SASS6: variants seen among roughly 807,000 people sequenced by gnomAD.
SASS6 encodes spindle assembly abnormal protein 6 homolog.
Under a neutral mutation model 94.9 loss-of-function variants are expected in SASS6, and 59 were observed. The ratio of observed to expected loss-of-function variants is 0.62; its 90% CI spans 0.50 to 0.77. The LOEUF is 0.77. SASS6 is among the 30% of genes least tolerant of loss of function. The pLI is 0.00. For synonymous variants in SASS6, 264 were observed against 270.0 expected, an observed-to-expected ratio of 0.98 and a Z score of 0.22; for missense variants, 698 against 734.1, an observed-to-expected ratio of 0.95 and a Z score of 0.57.
At chr1:100,100,413 A>C (rs1652391428) in intron 14 of SASS6, among the ~76,000 whole-genome samples, 3 of 152,224 alleles carry the variant, frequency 2.0e-5, no homozygotes, top group Admixed American at 2.0e-4. Context: ...CCTGCAACTA[A>C]AACTATGCCT....
chr1:100,113,406 AGACCATCCTGG>A (rs1488532796), intron 7 of SASS6, among the ~76,000 whole-genome samples: 1 of 152,062 alleles, frequency 6.6e-6, no homozygotes, highest in Non-Finnish European at 1.5e-5. Flanking sequence ...CAGGAGATCG[AGACCATCCTGG>A]CTAACACGGT....
intron 3 of SASS6, 126 bp downstream of exon 3, chr1:100,123,075 GATAGTACAA>G: frequency 2.0e-6 from 1 of 493,092 alleles, no homozygotes; most frequent in Admixed American, 4.2e-5. Flanking sequence ...CCTAAGTAAA[GATAGTACAA>G]ATAGCCCAAT....
chr1:100,102,451 C>T (rs1325505790), intron 14 of SASS6, among the ~76,000 whole-genome samples: 6 of 152,010 alleles, frequency 3.9e-5, no homozygotes, highest in East Asian at 3.9e-4. Flanking sequence ...CCAAGGCAGG[C>T]GGATCACTTG....
At chr1:100,099,884 T>A (rs1652344344) in intron 14 of SASS6, among the ~76,000 whole-genome samples, 1 of 152,138 alleles carries the variant, frequency 6.6e-6, no homozygotes, top group Non-Finnish European at 1.5e-5. Flanking sequence ...AGAAAAAAGA[T>A]AAATCAATCA....
At chr1:100,104,393 C>T (rs906053267) in intron 13 of SASS6, among the ~76,000 whole-genome samples, 4 of 152,156 alleles carry the variant, frequency 2.6e-5, no homozygotes, top group Non-Finnish European at 4.4e-5. Flanking sequence ...AAGCTCCTAG[C>T]AGCACCTAGG....
Position 100,085,184 on chromosome 1 carries a change from TA to T in SASS6, c.*143del. ...TTTGTTCCTATATTATAAACTGCCA[TA>T]AAAGCAGTACTTAAAGTATCCAGTC... On this transcript the variant is annotated 3_prime_UTR_variant, in exon 17 of 17. Coordinates refer to ENST00000287482, the MANE Select transcript of SASS6 (RefSeq NM_194292.3). The T allele has an allele frequency of 1.6e-6, 1 of 626,856 alleles. No homozygotes were observed. Among genetic ancestry groups the T allele is most frequent in the South Asian group, 2.1e-5 (1 of 46,954 alleles). 38.8% of individuals were successfully genotyped at this position (626,856 alleles called of 1,614,324 possible). A position where few individuals can be genotyped will look rare whatever the true frequency, so the allele number is the denominator to read the frequency against.
chr1:100,132,909 T>C lies in SASS6; in HGVS notation c.-95A>G, dbSNP rs778640331. ...GTCCGGGTCCTGATAAAGTTTGAGT[T>C]TGGCGCTCGGCTTCTGCGGAGGAGG... is the stretch of plus-strand genomic sequence containing the variant. On this transcript the variant is annotated 5_prime_UTR_variant, in exon 1 of 17. Transcript: ENST00000287482. The C allele has an allele frequency of 1.5e-5, 19 of 1,258,474 alleles. No individual in the cohort carries two copies. The highest frequency in any genetic ancestry group is 1.9e-5 in the Non-Finnish European group (17 of 872,792). The allele number at this position is 1,258,474 out of a possible 1,614,324, so 78.0% of individuals were successfully genotyped here.
In SASS6 at chr1:100,107,506, C is replaced by G. The variant is rs1458957615; in HGVS notation, c.1194G>C (p.Met398Ile). Residue 398 changes from methionine (M) to isoleucine (I), a missense_variant, in exon 11 of 17, where the codon ATG becomes ATC. By Grantham distance (10) the Met-to-Ile change is conservative. Coordinates refer to ENST00000287482, the MANE Select transcript of SASS6 (RefSeq NM_194292.3). Reference sequence around the variant, plus strand: ...CTGTATTCTTCAATTTCAACTTACCCATTAAAGTTTTCAGATCCCCTTGTA... The same window carrying G: ...CTGTATTCTTCAATTTCAACTTACCGATTAAAGTTTTCAGATCCCCTTGTA... ...KKLQGDLKTL[M>I]GKLKLKNTVT... is the part of the protein sequence containing the mutation. 6.2e-7 allele frequency: 1 copy of G among 1,608,068 alleles called. No homozygotes were observed. The highest frequency in any genetic ancestry group is 8.5e-7 in the Non-Finnish European group (1 of 1,175,732).
At chr1:100,087,140 C>G (rs982383254) in intron 15 of SASS6, among the ~76,000 whole-genome samples, 1 of 152,058 alleles carries the variant, frequency 6.6e-6, no homozygotes, top group Admixed American at 6.5e-5. Flanking sequence ...GCCCACCACG[C>G]CCGGTTAATT....
chr1:100,128,067 C>T (rs966673930), intron 1 of SASS6, among the ~76,000 whole-genome samples: 10 of 151,780 alleles, frequency 6.6e-5, no homozygotes, highest in Non-Finnish European at 1.2e-4. Flanking sequence ...GACAGAGTTT[C>T]GCTCTGTCAC....
Position 100,132,790 on chromosome 1 carries a change from G to C in SASS6, c.25C>G (p.Leu9Val), listed in dbSNP as rs748000537. The C allele has an allele frequency of 6.2e-7, 1 of 1,614,184 alleles. No homozygotes were observed. The highest frequency in any genetic ancestry group is 1.7e-5 in the Admixed American group (1 of 60,036). ...TTGCATTTCACCTGCAACGGGACTAGTTGGTGGAACAGCACTTGGCTCATG... is the reference window on the plus strand; with the variant it reads ...TTGCATTTCACCTGCAACGGGACTACTTGGTGGAACAGCACTTGGCTCATG... Reference protein sequence around the residue: MSQVLFHQLVPLQVKCKDC... With the variant: MSQVLFHQVVPLQVKCKDC... Residue 9 changes from leucine (L) to valine (V), a missense_variant, in exon 1 of 17, where the codon CTA becomes GTA. Coordinates refer to ENST00000287482, the MANE Select transcript of SASS6 (RefSeq NM_194292.3).
intron 14 of SASS6, among the ~76,000 whole-genome samples, chr1:100,097,630 C>G (rs514090): frequency 0.22 from 33,293 of 151,708 alleles, 5,105 homozygotes; most frequent in African/African-American, 0.44. Flanking sequence ...TTCGAAATCA[C>G]CCTGAGCAAC....
chr1:100,103,063 G>A lies in SASS6; in HGVS notation c.1566C>T (p.Tyr522=). Residue 522 remains tyrosine (Y), a synonymous_variant, in exon 14 of 17, where the codon TAC becomes TAT. Coordinates refer to ENST00000287482, the MANE Select transcript of SASS6 (RefSeq NM_194292.3). ...NLNVVDGRLT[Y]PTCGIGYPVS... ...CAGGATAACCAATCCCACAGGTTGGGTAAGTCAGTCTACCATCAACCTAAA... is the reference window on the plus strand; with the variant it reads ...CAGGATAACCAATCCCACAGGTTGGATAAGTCAGTCTACCATCAACCTAAA... 1 of 1,600,788 alleles carries A rather than the reference G, an allele frequency of 6.2e-7. No homozygotes were observed. The highest frequency in any genetic ancestry group is 8.6e-7 in the Non-Finnish European group (1 of 1,168,704).
At chr1:100,114,528 AT>A (rs1271309838) in intron 7 of SASS6, among the ~76,000 whole-genome samples, 1 of 151,164 alleles carries the variant, frequency 6.6e-6, no homozygotes, top group African/African-American at 2.4e-5. Flanking sequence ...TAAAAAAAAA[AT>A]AAATAAATAA....
At chr1:100,120,536 G>T in intron 5 of SASS6, 77 bp from the exon 6 acceptor site, 5 of 680,928 alleles carry the variant, frequency 7.3e-6, no homozygotes, top group East Asian at 5.3e-5. Flanking sequence ...TATAGCATCA[G>T]CATCATCCTG....
chr1:100,086,846 T>A (rs1391348213), intron 15 of SASS6, among the ~76,000 whole-genome samples: 2 of 152,074 alleles, frequency 1.3e-5, no homozygotes, highest in East Asian at 1.9e-4. Flanking sequence ...ATGCCTGGCC[T>A]ATGATGAATT....
chr1:100,117,864 AAAT>A (rs1653912530), intron 7 of SASS6, among the ~76,000 whole-genome samples: 1 of 151,896 alleles, frequency 6.6e-6, no homozygotes, highest in East Asian at 1.9e-4. Context: ...GAAAAAAAAA[AAAT>A]AACCACACAG....
At position 100,115,386 on chromosome 1, in the gene SASS6, G is replaced by GGA. The variant is rs750727205; in HGVS notation, c.669+3630_669+3631dup. Among the ~76,000 whole-genome samples the GGA allele has an allele frequency of 3.9e-4, 57 of 145,578 alleles. 1 individual carries two copies. The highest frequency in any genetic ancestry group is 1.1e-3 in the African/African-American group (43 of 40,060). Reference sequence around the variant, plus strand: ...AAAGAAAAAGAGAACAGAGAAAAAGGGAGAGAGAGAGAGAGTAAATAAGTC... The same window carrying GGA: ...AAAGAAAAAGAGAACAGAGAAAAAGGGAGAGAGAGAGAGAGAGTAAATAAGTC... On this transcript the variant is annotated intron_variant, in intron 7 of 16. Transcript: ENST00000287482.
intron 14 of SASS6, among the ~76,000 whole-genome samples, chr1:100,097,139 G>A (rs775612682): frequency 6.6e-6 from 1 of 151,954 alleles, no homozygotes; most frequent in Admixed American, 6.6e-5. Context: ...ATCACAATGA[G>A]GTACTTCTAT....
Sources: allele counts gnomAD v4.1 joint callset (sites outside exome capture counted in the v4.1 genomes callset), GRCh38; gene constraint gnomAD v4.1.1; transcripts MANE v1.5; gene names NCBI Gene and HGNC (gene_info 2026-07-23, HGNC 2026-07-21).